Variants in FBXL7 observed in about 807,000 individuals in gnomAD.
The protein encoded by FBXL7 is F-box and leucine rich repeat protein 7.
FBXL7 carries 12 observed loss-of-function variants against 38.3 expected under a neutral mutation model. That is an observed-to-expected ratio of 0.31 (90% confidence interval 0.20 to 0.51). The LOEUF is 0.51. Ranked by LOEUF, FBXL7 falls within the 20% of genes least tolerant of loss-of-function variation. FBXL7 has a pLI of 0.98. For missense variants in FBXL7, 567 were observed against 676.4 expected, an observed-to-expected ratio of 0.84 and a Z score of 1.79; for synonymous variants, 297 against 300.9, an observed-to-expected ratio of 0.99 and a Z score of 0.13.
intron 1 of FBXL7, among the ~76,000 whole-genome samples, chr5:15,595,333 C>T (rs1275049792): frequency 1.3e-5 from 2 of 151,930 alleles, no homozygotes; most frequent in Non-Finnish European, 2.9e-5. Context: ...AGATGTAATT[C>T]GAAGCTTGGA....
At chr5:15,586,138 T>G (rs990051204) in intron 1 of FBXL7, among the ~76,000 whole-genome samples, 7 of 152,082 alleles carry the variant, frequency 4.6e-5, no homozygotes, top group Non-Finnish European at 7.4e-5. Context: ...CTACACAGAA[T>G]CTGGGGGGTA....
chr5:15,935,561 C>T (rs1040706938), intron 3 of FBXL7, among the ~76,000 whole-genome samples: 18 of 151,100 alleles, frequency 1.2e-4, no homozygotes, highest in Admixed American at 9.2e-4. Context: ...GCTTCGAGTT[C>T]CGTTTTCCAA....
intron 2 of FBXL7, among the ~76,000 whole-genome samples, chr5:15,712,886 G>A (rs1390607456): frequency 6.6e-6 from 1 of 152,078 alleles, no homozygotes; most frequent in African/African-American, 2.4e-5. Context: ...CTGTGGTCCA[G>A]CATCTACTCA....
intron 2 of FBXL7, among the ~76,000 whole-genome samples, chr5:15,899,520 AT>A (rs888677196): frequency 5.9e-5 from 9 of 152,304 alleles, no homozygotes; most frequent in African/African-American, 2.2e-4. Flanking sequence ...GTTTTACAAG[AT>A]TTTTTTATAA....
chr5:15,578,461 G>A (rs1336159498), intron 1 of FBXL7, among the ~76,000 whole-genome samples: 1 of 152,158 alleles, frequency 6.6e-6, no homozygotes, highest in Non-Finnish European at 1.5e-5. Context: ...TTGTGGTTTT[G>A]TATCAAACTG....
intron 2 of FBXL7, among the ~76,000 whole-genome samples, chr5:15,814,669 G>A (rs753947104): frequency 1.3e-5 from 2 of 151,992 alleles, no homozygotes; most frequent in Non-Finnish European, 2.9e-5. Context: ...TTAAAAAAAT[G>A]TTCCATGATC....
intron 2 of FBXL7, among the ~76,000 whole-genome samples, chr5:15,677,306 C>G (rs991416489): frequency 1.3e-4 from 20 of 152,038 alleles, no homozygotes; most frequent in Admixed American, 5.2e-4. Context: ...CCTGTCTCTA[C>G]TAAAACAAAA....
intron 2 of FBXL7, among the ~76,000 whole-genome samples, chr5:15,659,568 A>G (rs1314333459): frequency 6.6e-6 from 1 of 152,230 alleles, no homozygotes; most frequent in East Asian, 1.9e-4. Flanking sequence ...GGGGATTTAA[A>G]GATACACAAA....
intron 2 of FBXL7, among the ~76,000 whole-genome samples, chr5:15,833,950 T>C (rs1738523022): frequency 6.6e-6 from 1 of 152,210 alleles, no homozygotes; most frequent in Non-Finnish European, 1.5e-5. Context: ...TTTCTACTCT[T>C]AGAATATAAC....
chr5:15,721,783 A>G (rs149037926), intron 2 of FBXL7, among the ~76,000 whole-genome samples: 328 of 152,104 alleles, frequency 2.2e-3, no homozygotes, highest in African/African-American at 7.4e-3. Flanking sequence ...TCTTGCTATG[A>G]TATTTTCCCA....
chr5:15,687,535 C>T lies in FBXL7; in HGVS notation c.127+71463C>T, dbSNP rs536793129. ...GAAGAGAAGTGGATAATGATCATTT[C>T]ATAGAGCTGTAGGACCTTTTGCATT... is the stretch of plus-strand genomic sequence containing the variant. On this transcript the variant is annotated intron_variant, in intron 2 of 3. Transcript: ENST00000504595. Among the ~76,000 whole-genome samples the T allele has an allele frequency of 3.9e-5, 6 of 152,342 alleles. No homozygotes were observed. In the East Asian group the frequency reaches 7.7e-4, roughly 20 times the overall value.
intron 2 of FBXL7, among the ~76,000 whole-genome samples, chr5:15,624,389 A>G (rs1580415685): frequency 1.3e-5 from 2 of 152,190 alleles, no homozygotes; most frequent in African/African-American, 4.8e-5. Context: ...CTGTTTTCCC[A>G]TTTGTCCTGA....
intron 2 of FBXL7, among the ~76,000 whole-genome samples, chr5:15,635,175 A>T (rs1226963904): frequency 6.6e-6 from 1 of 152,034 alleles, no homozygotes; most frequent in Non-Finnish European, 1.5e-5. Context: ...TTGTGGCATG[A>T]CTGAGGTCAC....
At chr5:15,524,361 G>A (rs80333777) in intron 1 of FBXL7, among the ~76,000 whole-genome samples, 4 of 152,026 alleles carry the variant, frequency 2.6e-5, no homozygotes, top group South Asian at 2.1e-4. Context: ...TAACTTCTTG[G>A]GGGGGCTGAA....
chr5:15,860,450 A>G (rs970488019), intron 2 of FBXL7, among the ~76,000 whole-genome samples: 2 of 152,202 alleles, frequency 1.3e-5, no homozygotes, highest in African/African-American at 2.4e-5. Context: ...CAGGCTACCA[A>G]TAAGGAATTC....
At chr5:15,608,304 G>A (rs1480252326) in intron 1 of FBXL7, among the ~76,000 whole-genome samples, 2 of 152,042 alleles carry the variant, frequency 1.3e-5, no homozygotes, top group South Asian at 2.1e-4. Flanking sequence ...GTTGGGTAAT[G>A]TCCTCCCCAT....
At chr5:15,872,769 C>A (rs759209750) in intron 2 of FBXL7, among the ~76,000 whole-genome samples, 34 of 152,176 alleles carry the variant, frequency 2.2e-4, no homozygotes, top group Non-Finnish European at 3.4e-4. Context: ...CAGGAGCACC[C>A]AGATTCATAA....
chr5:15,788,725 G>T (rs1261683188), intron 2 of FBXL7, among the ~76,000 whole-genome samples: 1 of 151,274 alleles, frequency 6.6e-6, no homozygotes. Flanking sequence ...GTCTCGCTCT[G>T]TCACCAGACT....
intron 2 of FBXL7, among the ~76,000 whole-genome samples, chr5:15,673,332 G>GA (rs896501088): frequency 8.6e-5 from 13 of 151,300 alleles, no homozygotes; most frequent in Admixed American, 4.0e-4. Flanking sequence ...AAAAAAAAAA[G>GA]AAAAAAAACC....
Sources: allele counts gnomAD v4.1 joint callset (sites outside exome capture counted in the v4.1 genomes callset), GRCh38; gene constraint gnomAD v4.1.1; transcripts MANE v1.5; gene names NCBI Gene and HGNC (gene_info 2026-07-23, HGNC 2026-07-21).